MAP3K13: variants seen among roughly 807,000 people sequenced by gnomAD.
The protein encoded by MAP3K13 is mitogen-activated protein kinase kinase kinase 13.
MAP3K13 carries 52 observed loss-of-function variants against 104.0 expected under a neutral mutation model. The observed-to-expected ratio is 0.50, with a 90% CI of 0.40 to 0.63. The LOEUF is 0.63. Ranked by LOEUF, MAP3K13 falls within the 20% of genes least tolerant of loss-of-function variation. The pLI is 0.00. For missense variants in MAP3K13, 914 were observed against 1,218.5 expected (o/e 0.75, Z 3.72); for synonymous variants, 394 against 442.2 (o/e 0.89, Z 1.37).
chr3:185,441,450 A>C (rs1207238202), intron 3 of MAP3K13, among the ~76,000 whole-genome samples: 1 of 152,218 alleles, frequency 6.6e-6, no homozygotes, highest in Non-Finnish European at 1.5e-5. Flanking sequence ...AGGAGCTTAC[A>C]ATCTATATGC....
chr3:185,480,253 C>A lies in MAP3K13; in HGVS notation c.2523C>A (p.Ser841Arg). The stretch of plus-strand genomic sequence containing the variant: ...CTAGGCCCCATCGCTGTATCAGCAG[C>A]TGCCAGTCATATTCAACCTTTAGCT... ...RRQRPHRCISSCQSYSTFSSE... is the reference protein window; with the variant it reads ...RRQRPHRCISRCQSYSTFSSE... The change falls in exon 13 of 14, where the codon AGC becomes AGA. Residue 841 changes from serine to arginine, a missense_variant. Transcript: ENST00000265026. 6.2e-7 allele frequency: 1 copy of A among 1,614,108 alleles called. No homozygotes were observed. Among genetic ancestry groups the A allele is most frequent in the Non-Finnish European group, 8.5e-7 (1 of 1,180,000 alleles).
intron 2 of MAP3K13, among the ~76,000 whole-genome samples, chr3:185,349,000 G>A (rs555278731): frequency 6.6e-6 from 1 of 152,270 alleles, no homozygotes; most frequent in East Asian, 1.9e-4. Context: ...GGAGCACTTG[G>A]TACTCTGGCC....
In MAP3K13 at chr3:185,398,193, T is replaced by C. The variant is rs142503215; in HGVS notation, c.-85-30304T>C. ...AACTGACAAGCAATGCTGTCTGTTC[T>C]GAGAAATAACCGAGAGCCTAAGAAA... On this transcript the variant is annotated intron_variant, in intron 1 of 13. Transcript: ENST00000265026. Among the ~76,000 whole-genome samples the C allele has an allele frequency of 2.9e-4, 44 of 152,158 alleles. 1 individual carries two copies. In the East Asian group the frequency reaches 8.3e-3, roughly 29 times the overall value.
chr3:185,345,060 A>G (rs958155032), intron 2 of MAP3K13, among the ~76,000 whole-genome samples: 3 of 151,992 alleles, frequency 2.0e-5, no homozygotes, highest in African/African-American at 7.3e-5. Flanking sequence ...ACAGGGTTTC[A>G]CTATGTTGGC....
chr3:185,327,756 A>G (rs1274279750), intron 2 of MAP3K13, among the ~76,000 whole-genome samples: 4 of 152,122 alleles, frequency 2.6e-5, no homozygotes, highest in Non-Finnish European at 5.9e-5. Context: ...TACTAAAAGT[A>G]CAAAAATTAG....
chr3:185,379,270 C>T (rs758717159), intron 1 of MAP3K13, among the ~76,000 whole-genome samples: 6 of 152,126 alleles, frequency 3.9e-5, no homozygotes, highest in Non-Finnish European at 7.3e-5. Context: ...GCTGTCTTCC[C>T]GAGTCCGTGA....
intron 2 of MAP3K13, among the ~76,000 whole-genome samples, chr3:185,308,724 A>G (rs1427783727): frequency 1.3e-5 from 2 of 152,130 alleles, no homozygotes; most frequent in African/African-American, 4.8e-5. Flanking sequence ...AAAAGCTAGA[A>G]CTTTGGATGC....
At chr3:185,392,143 T>C (rs1238425850) in intron 1 of MAP3K13, among the ~76,000 whole-genome samples, 2 of 152,198 alleles carry the variant, frequency 1.3e-5, no homozygotes, top group Admixed American at 6.5e-5. Flanking sequence ...AAAGACATTA[T>C]ATATTGGATT....
At chr3:185,416,601 A>G (rs1713786731) in intron 1 of MAP3K13, among the ~76,000 whole-genome samples, 1 of 152,048 alleles carries the variant, frequency 6.6e-6, no homozygotes, top group African/African-American at 2.4e-5. Context: ...CTGAATACAG[A>G]CTGGACAAGA....
chr3:185,337,426 C>T (rs951600447), intron 2 of MAP3K13, among the ~76,000 whole-genome samples: 7 of 152,196 alleles, frequency 4.6e-5, no homozygotes, highest in Non-Finnish European at 1.5e-5. Flanking sequence ...AGTAAACACA[C>T]GCTTTACGGT....
intron 2 of MAP3K13, among the ~76,000 whole-genome samples, chr3:185,328,462 C>T (rs906248512): frequency 6.6e-6 from 1 of 152,126 alleles, no homozygotes; most frequent in Non-Finnish European, 1.5e-5. Context: ...GTTGGCCAGG[C>T]TTGTCTTGAA....
At position 185,477,158 on chromosome 3, in the gene MAP3K13, T is replaced by C. The variant is rs772219220; in HGVS notation, c.2431-168T>C. ...GCCATCATAGGTACCCTGGAAAAGT[T>C]ACTAAATGAATAATGAGGACATGTA... is the stretch of plus-strand genomic sequence containing the variant. On this transcript the variant is annotated intron_variant, in intron 11 of 13. Coordinates refer to ENST00000265026, the MANE Select transcript of MAP3K13 (RefSeq NM_004721.5). 4.3e-6 allele frequency: 3 copies of C among 697,982 alleles called. No homozygotes were observed. In the East Asian group the frequency reaches 8.1e-5, roughly 19 times the overall value. 43.2% of individuals were successfully genotyped at this position (697,982 alleles called of 1,614,324 possible).
At chr3:185,463,449 G>T in intron 7 of MAP3K13, 101 bp from the exon 8 acceptor site, 1 of 658,030 alleles carries the variant, frequency 1.5e-6, no homozygotes, top group Non-Finnish European at 2.8e-6. Flanking sequence ...AGGCTCTTCA[G>T]TAGAAGCATG....
chr3:185,341,800 T>C (rs963634313), intron 2 of MAP3K13, among the ~76,000 whole-genome samples: 1 of 152,200 alleles, frequency 6.6e-6, no homozygotes, highest in African/African-American at 2.4e-5. Flanking sequence ...AAATAAAGTT[T>C]TATTGGAACA....
chr3:185,428,555 C>A lies in MAP3K13; in HGVS notation c.-27C>A, dbSNP rs1215043986. ...CCCAAAAATCTTCTGAGTGTCATCT[C>A]AGGACTTTGGTTATACTCATGGCAC... On this transcript the variant is annotated 5_prime_UTR_variant, in exon 2 of 14. Coordinates refer to ENST00000265026, the MANE Select transcript of MAP3K13 (RefSeq NM_004721.5). 1.3e-6 allele frequency: 2 copies of A among 1,537,102 alleles called. No homozygotes were observed.
At chr3:185,463,523 A>C (rs372797055) in intron 7 of MAP3K13, 27 bp from the exon 8 acceptor site, 65 of 1,364,046 alleles carry the variant, frequency 4.8e-5, no homozygotes, top group Admixed American at 3.2e-4. Context: ...CCTGGAATTT[A>C]TCAAAATCTA....
intron 13 of MAP3K13, among the ~76,000 whole-genome samples, chr3:185,481,008 C>G (rs903894188): frequency 6.6e-6 from 1 of 152,112 alleles, no homozygotes; most frequent in Non-Finnish European, 1.5e-5. Context: ...GACAGAGAGC[C>G]AAACCATATC....
intron 1 of MAP3K13, among the ~76,000 whole-genome samples, chr3:185,371,805 A>AG (rs1724176033): frequency 1.3e-5 from 2 of 152,282 alleles, no homozygotes; most frequent in African/African-American, 4.8e-5. Flanking sequence ...GGAGTCCTAA[A>AG]GGGGGGCTGT....
At chr3:185,411,697 A>G (rs1577524686) in intron 1 of MAP3K13, among the ~76,000 whole-genome samples, 1 of 151,942 alleles carries the variant, frequency 6.6e-6, no homozygotes, top group East Asian at 1.9e-4. Flanking sequence ...TGTGATTTAT[A>G]TGCAACTTTT....
Sources: allele counts gnomAD v4.1 joint callset (sites outside exome capture counted in the v4.1 genomes callset), GRCh38; gene constraint gnomAD v4.1.1; transcripts MANE v1.5; gene names NCBI Gene and HGNC (gene_info 2026-07-23, HGNC 2026-07-21).